RNLS: variants seen among roughly 807,000 people sequenced by gnomAD.
RNLS encodes renalase, FAD dependent amine oxidase, also known as renalase.
Under a neutral mutation model 39.8 loss-of-function variants are expected in RNLS, and 39 were observed. That is an observed-to-expected ratio of 0.98 (90% CI 0.76 to 1.28). The LOEUF is 1.28. Among genes scored for constraint, RNLS ranks in the 50% most tolerant of loss-of-function variants. The probability of loss-of-function intolerance (pLI) is 0.00; values close to 1 mark genes in which losing one functional copy is unlikely to be tolerated. For missense variants in RNLS, 410 were observed against 413.3 expected (o/e 0.99, Z 0.07); for synonymous variants, 147 against 150.7 (o/e 0.98, Z 0.18).
At chr10:88,260,751 CT>C in the RNLS span, among the ~76,000 whole-genome samples, 2 of 152,124 alleles carry the variant, frequency 1.3e-5, no homozygotes, top group African/African-American at 2.4e-5. Flanking sequence ...AGAGAGTTGA[CT>C]TTTTTTAAAA....
At chr10:88,448,924 T>C (rs1431643364) in intron 4 of RNLS, among the ~76,000 whole-genome samples, 1 of 152,150 alleles carries the variant, frequency 6.6e-6, no homozygotes, top group Admixed American at 6.6e-5. Flanking sequence ...CTGCATGTTC[T>C]CACCCATAGG....
At chr10:88,568,904 C>T (rs547242616) in intron 4 of RNLS, among the ~76,000 whole-genome samples, 5 of 152,312 alleles carry the variant, frequency 3.3e-5, no homozygotes, top group African/African-American at 1.2e-4. Flanking sequence ...TCTTCAGCAT[C>T]ACCTAGAAAC....
the RNLS span, among the ~76,000 whole-genome samples, chr10:88,198,466 T>C: frequency 6.6e-6 from 1 of 152,218 alleles, no homozygotes; most frequent in African/African-American, 2.4e-5. Context: ...AATAGTTTCA[T>C]ACGATGCATA....
intron 4 of RNLS, among the ~76,000 whole-genome samples, chr10:88,485,476 A>G (rs1038692084): frequency 8.6e-5 from 13 of 151,884 alleles, no homozygotes; most frequent in Non-Finnish European, 1.5e-4. Flanking sequence ...TACACTTAAT[A>G]GAAAACCTAA....
At chr10:88,230,913 GATGAT>G in the RNLS span, among the ~76,000 whole-genome samples, 1 of 152,172 alleles carries the variant, frequency 6.6e-6, no homozygotes, top group Non-Finnish European at 1.5e-5. Context: ...TGTTGTCTAT[GATGAT>G]ATAGCCAGTA....
intron 4 of RNLS, among the ~76,000 whole-genome samples, chr10:88,453,430 T>C (rs1237114774): frequency 1.3e-5 from 2 of 152,222 alleles, no homozygotes; most frequent in Non-Finnish European, 2.9e-5. Context: ...AAGGAGTTAT[T>C]GCAGCTGCAA....
chr10:88,428,121 T>G (rs2133795596), intron 4 of RNLS, among the ~76,000 whole-genome samples: 1 of 152,120 alleles, frequency 6.6e-6, no homozygotes, highest in East Asian at 1.9e-4. Flanking sequence ...ACAAAAGATC[T>G]GTATGTTAGC....
chr10:88,289,478 C>T (rs1843517947), intron 6 of RNLS, among the ~76,000 whole-genome samples: 1 of 152,158 alleles, frequency 6.6e-6, no homozygotes, highest in African/African-American at 2.4e-5. Context: ...TCAGTATAAA[C>T]ATCACCTGCT....
At chr10:88,480,992 A>G (rs1807907331) in intron 4 of RNLS, among the ~76,000 whole-genome samples, 1 of 151,832 alleles carries the variant, frequency 6.6e-6, no homozygotes, top group African/African-American at 2.4e-5. Context: ...TGCTTCATGT[A>G]TTTTGGGGCT....
At position 88,572,983 on chromosome 10, in the gene RNLS, C is replaced by G; in HGVS notation, c.446G>C (p.Gly149Ala). 3 of 1,614,006 alleles carry G rather than the reference C, an allele frequency of 1.9e-6. No homozygotes were observed. In the South Asian group the frequency reaches 3.3e-5, roughly 18 times the overall value. The change falls in exon 4 of 7, where the codon GGC becomes GCC. Residue 149 changes from glycine to alanine, a missense_variant. Transcript: ENST00000331772. ...DDKWEVSKQT[G>A]SPEQFDLIVL... Reference sequence around the variant, plus strand: ...AATAAGATCAAACTGCTCAGGGGAGCCTGTTTGTTTGGATACTTCCCATTT... The same window carrying G: ...AATAAGATCAAACTGCTCAGGGGAGGCTGTTTGTTTGGATACTTCCCATTT...
downstream of RNLS, among the ~76,000 whole-genome samples, chr10:88,269,061 A>G (rs1322563794): frequency 6.6e-6 from 1 of 152,258 alleles, no homozygotes; most frequent in African/African-American, 2.4e-5. Flanking sequence ...AATGTTCACT[A>G]GAGTCAGAAA....
intron 4 of RNLS, among the ~76,000 whole-genome samples, chr10:88,489,878 G>A (rs941414358): frequency 3.3e-5 from 5 of 152,130 alleles, no homozygotes; most frequent in African/African-American, 1.2e-4. Flanking sequence ...TCAAAAGTCT[G>A]GCCTTGACTG....
intron 6 of RNLS, among the ~76,000 whole-genome samples, chr10:88,311,523 C>G (rs953290419): frequency 6.6e-6 from 1 of 152,162 alleles, no homozygotes; most frequent in African/African-American, 2.4e-5. Context: ...GTGCTTTATT[C>G]AAATTAAAAA....
chr10:88,347,955 A>G (rs956747982), intron 5 of RNLS, among the ~76,000 whole-genome samples: 16 of 152,174 alleles, frequency 1.1e-4, no homozygotes, highest in African/African-American at 3.6e-4. Flanking sequence ...TAATTATAAT[A>G]GCAAAAGTAA....
intron 5 of RNLS, among the ~76,000 whole-genome samples, chr10:88,322,163 T>C (rs1451735303): frequency 6.6e-6 from 1 of 152,128 alleles, no homozygotes; most frequent in Non-Finnish European, 1.5e-5. Context: ...TCAAGGTGAT[T>C]CACCACATAA....
At chr10:88,271,669 C>T (rs982060476), downstream of RNLS, among the ~76,000 whole-genome samples, 5 of 152,104 alleles carry the variant, frequency 3.3e-5, no homozygotes, top group Middle Eastern at 3.2e-3. Flanking sequence ...TTGTTCACCC[C>T]GTCCGGTTTC....
intron 4 of RNLS, among the ~76,000 whole-genome samples, chr10:88,366,337 T>C (rs1268168096): frequency 2.0e-5 from 3 of 151,970 alleles, no homozygotes. Flanking sequence ...CTGGTGAAGA[T>C]ACAGGGGTGC....
intron 6 of RNLS, among the ~76,000 whole-genome samples, chr10:88,275,451 G>A (rs1842780629): frequency 6.6e-6 from 1 of 152,130 alleles, no homozygotes; most frequent in African/African-American, 2.4e-5. Context: ...AAAGAGAAAT[G>A]TGCAAACATA....
intron 6 of RNLS, among the ~76,000 whole-genome samples, chr10:88,313,023 AT>A (rs1241175229): frequency 6.6e-6 from 1 of 152,208 alleles, no homozygotes; most frequent in East Asian, 1.9e-4. Flanking sequence ...AGTCGTAAAT[AT>A]AGTGAGATAA....
Sources: gnomAD v4.1 joint callset for allele counts (sites outside exome capture counted in the v4.1 genomes callset) on GRCh38, gnomAD v4.1.1 for gene constraint, MANE v1.5 for transcripts, NCBI Gene and HGNC (gene_info 2026-07-23, HGNC 2026-07-21) for gene names.